The following ACTN4 variants were observed in gnomAD, a reference collection of about 807,000 sequenced individuals.
ACTN4 encodes actinin alpha 4, also known as alpha-actinin-4.
Under a neutral mutation model 114.2 loss-of-function variants are expected in ACTN4, and 18 were observed. That is an observed-to-expected ratio of 0.16 (90% confidence interval 0.11 to 0.23). The LOEUF is 0.23. ACTN4 is among the 10% of genes least tolerant of loss of function. ACTN4 has a pLI of 1.00. For missense variants in ACTN4, 722 were observed against 1,262.9 expected, an observed-to-expected ratio of 0.57 and a Z score of 6.49; for synonymous variants, 515 against 506.3, an observed-to-expected ratio of 1.02 and a Z score of -0.23.
Position 38,717,909 on chromosome 19 carries a change from G to A in ACTN4, c.1144-18G>A, listed in dbSNP as rs763579928. ...CCACTTCCTTGTGATAGCCCTGCCT[G>A]CTCCTGCCCTGCCCCAGGACATCAA... On this transcript the variant is annotated intron_variant, in intron 10 of 20. Coordinates refer to ENST00000252699, the MANE Select transcript of ACTN4 (RefSeq NM_004924.6). The surrounding 1 kb of genome is among the most constrained non-coding windows in gnomAD (Gnocchi z 4.0). 1 of 1,578,678 alleles carries A rather than the reference G, an allele frequency of 6.3e-7. No individual in the cohort carries two copies. Among genetic ancestry groups the A allele is most frequent in the Non-Finnish European group, 8.6e-7 (1 of 1,161,408 alleles).
Position 38,731,340 on chromosome 19 carries a change from T to G in ACTN4, c.*1908T>G. ...GCCACAGGGTGTCACACCCCAACTC[T>G]GCCCCATCCCGGCAGGGTGAGTACA... On this transcript the variant is annotated 3_prime_UTR_variant, in exon 21 of 21. Transcript: ENST00000252699. The G allele has an allele frequency of 2.6e-6, 2 of 759,670 alleles. No homozygotes were observed. Among genetic ancestry groups the G allele is most frequent in the Non-Finnish European group, 4.6e-6 (2 of 436,348 alleles). The allele number at this position is 759,670 out of a possible 1,614,324, so 47.1% of individuals were successfully genotyped here. A position where few individuals can be genotyped will look rare whatever the true frequency, so the allele number is the denominator to read the frequency against.
Position 38,663,265 on chromosome 19 carries a change from CCA to C in ACTN4, c.162+15359_162+15360del, listed in dbSNP as rs1976944704. On this transcript the variant is annotated intron_variant, in intron 1 of 20. Transcript: ENST00000252699. ...AACATGAGTTGGGGCTTCTTGGGCC[CCA>C]GAGTCCAGCACTCAGGTAGAAATAT... 5.3e-5 allele frequency among the ~76,000 whole-genome samples: 8 copies of C among 152,282 alleles called. No individual in the cohort carries two copies. In the South Asian group the frequency reaches 1.7e-3, roughly 32 times the overall value.
At position 38,723,620 on chromosome 19, in the gene ACTN4, G is replaced by A. The variant is rs1396723675; in HGVS notation, c.1449G>A (p.Leu483=). Residue 483 remains leucine (L), a synonymous_variant, in exon 13 of 21, where the codon CTG becomes CTA. Coordinates refer to ENST00000252699, the MANE Select transcript of ACTN4 (RefSeq NM_004924.6). ...IAAIAQELNE[L]DYYDSHNVNT... is the part of the protein sequence containing the mutation. ...CTCTCTGCCCGGCCCGCAGCGAGCT[G>A]GATTACTACGACTCCCACAATGTCA... 4 of 1,611,624 alleles carry A rather than the reference G, an allele frequency of 2.5e-6. No individual in the cohort carries two copies. The highest frequency in any genetic ancestry group is 3.4e-6 in the Non-Finnish European group (4 of 1,178,934).
chr19:38,708,284 G>A (rs901425659), intron 6 of ACTN4, 89 bp downstream of exon 6: 92 of 1,426,600 alleles, frequency 6.4e-5, no homozygotes, highest in East Asian at 1.6e-4. Context: ...CCCTTCCATC[G>A]CCAGCCTCCA....
Position 38,730,548 on chromosome 19 carries a change from T to A in ACTN4, c.*1116T>A, listed in dbSNP as rs189647876. 8.3e-4 allele frequency: 387 copies of A among 466,558 alleles called. 2 individuals are homozygous for A. The highest frequency in any genetic ancestry group is 5.1e-3 in the Middle Eastern group (9 of 1,754). 28.9% of individuals were successfully genotyped at this position (466,558 alleles called of 1,614,324 possible). ...TAAGAAGGATTCCTGCAGCATCATC[T>A]TTTTTTATTTCTCCTGTGTCTGTCC... On this transcript the variant is annotated 3_prime_UTR_variant, in exon 21 of 21. Transcript: ENST00000252699.
rs1967229943 is a variant in ACTN4, at chr19:38,673,557, T to A, written c.162+25650T>A. ...TATACTTATATATATTTATATATAC[T>A]TATATATATTTATATATATTCATAT... On this transcript the variant is annotated intron_variant, in intron 1 of 20. Coordinates refer to ENST00000252699, the MANE Select transcript of ACTN4 (RefSeq NM_004924.6). Among the ~76,000 whole-genome samples, 2 of 87,912 alleles carry A rather than the reference T, an allele frequency of 2.3e-5. 1 individual carries two copies. The highest frequency in any genetic ancestry group is 8.0e-5 in the African/African-American group (2 of 24,900). 57.7% of individuals were successfully genotyped at this position (87,912 alleles called of 152,430 possible).
At chr19:38,708,312 C>T in intron 6 of ACTN4, 117 bp downstream of exon 6, 2 of 1,140,504 alleles carry the variant, frequency 1.8e-6, no homozygotes, top group Non-Finnish European at 1.3e-6. Context: ...GTTCTGCACG[C>T]AGATGGGCAG....
rs553636925 is a variant in ACTN4 at position 38,724,823 on chromosome 19, G to A, written c.2010+258G>A. Reference sequence around the variant, plus strand: ...GTTCGAGACCAGCCTGGGCAACATAGTGAGACCCCAACTCTACAAAAAATA... The same window carrying A: ...GTTCGAGACCAGCCTGGGCAACATAATGAGACCCCAACTCTACAAAAAATA... On this transcript the variant is annotated intron_variant, in intron 16 of 20. Coordinates refer to ENST00000252699, the MANE Select transcript of ACTN4 (RefSeq NM_004924.6). This position sits in a 1 kb window ranked among gnomAD's most constrained non-coding sequence, Gnocchi z 7.0. Among the ~76,000 whole-genome samples the A allele has an allele frequency of 3.3e-5, 5 of 152,354 alleles. No homozygotes were observed. The South Asian group carries it at 1.0e-3, about 32-fold the overall frequency.
chr19:38,726,854 C>CGGAA, intron 17 of ACTN4, 103 bp from the exon 18 acceptor site: 1 of 1,535,128 alleles, frequency 6.5e-7, no homozygotes, highest in Non-Finnish European at 8.8e-7. Context: ...AGAGCAGGGG[C>CGGAA]TTTCCCCAGG....
chr19:38,718,376 G>T (rs533777517), intron 11 of ACTN4: 6 of 454,828 alleles, frequency 1.3e-5, no homozygotes, highest in South Asian at 9.6e-5. Flanking sequence ...AAAAATTTTA[G>T]AATAATAAAA....
intron 11 of ACTN4, among the ~76,000 whole-genome samples, chr19:38,720,794 T>A (rs1208444552): frequency 6.6e-6 from 1 of 152,204 alleles, no homozygotes; most frequent in African/African-American, 2.4e-5. Context: ...GGATCTCCGC[T>A]ACCACTTGGG....
chr19:38,675,197 G>A (rs8100595), intron 1 of ACTN4, among the ~76,000 whole-genome samples: 2,155 of 152,324 alleles, frequency 0.014, 58 homozygotes, highest in African/African-American at 0.048. Flanking sequence ...TTTGAAATCG[G>A]AGGTCTGAAA....
intron 2 of ACTN4, 46 bp from the exon 3 acceptor site, chr19:38,700,954 TTC>T (rs750552080): frequency 9.3e-6 from 15 of 1,605,610 alleles, no homozygotes; most frequent in Middle Eastern, 3.9e-4. Flanking sequence ...CTCTCTCCCT[TTC>T]TCTCTCTCTG....
At chr19:38,721,278 A>T (rs1969031546) in intron 11 of ACTN4, among the ~76,000 whole-genome samples, 1 of 152,230 alleles carries the variant, frequency 6.6e-6, no homozygotes, top group South Asian at 2.1e-4. Context: ...TAAGTTTAGG[A>T]CACACAGGTT....
At position 38,723,716 on chromosome 19, in the gene ACTN4, C is replaced by T. The variant is rs1002709375; in HGVS notation, c.1545C>T (p.Ala515=). 4 of 1,608,856 alleles carry T rather than the reference C, an allele frequency of 2.5e-6. No individual in the cohort carries two copies. Among genetic ancestry groups the T allele is most frequent in the Admixed American group, 3.4e-5 (2 of 59,550 alleles). ...CTCTGACACATAGTCGCAGGGAAGC[C>T]CTGGAGGTGAGGAGGGGGTGACATC... ...LGSLTHSRRE[A]LEKTEKQLEA... is the part of the protein sequence containing the mutation. Residue 515 remains alanine, a synonymous_variant, in exon 13 of 21, where the codon GCC becomes GCT. Coordinates refer to ENST00000252699, the MANE Select transcript of ACTN4 (RefSeq NM_004924.6).
chr19:38,703,991 T>C (rs917692924), intron 3 of ACTN4, among the ~76,000 whole-genome samples: 3 of 152,102 alleles, frequency 2.0e-5, no homozygotes, highest in Admixed American at 2.0e-4. Flanking sequence ...TCCAGCAGGA[T>C]GGCAGGGCCT....
intron 1 of ACTN4, among the ~76,000 whole-genome samples, chr19:38,680,136 A>T (rs1330691642): frequency 6.7e-6 from 1 of 148,556 alleles, no homozygotes; most frequent in Non-Finnish European, 1.5e-5. Flanking sequence ...TCAGACGCTG[A>T]GGTCTTTGAT....
Position 38,727,315 on chromosome 19 carries a change from C to T in ACTN4, c.2337+212C>T, listed in dbSNP as rs1188850480. On this transcript the variant is annotated intron_variant, in intron 18 of 20. Transcript: ENST00000252699. This position sits in a 1 kb window ranked among gnomAD's most constrained non-coding sequence, Gnocchi z 5.4. The stretch of plus-strand genomic sequence containing the variant: ...CACTTCACACGCACAGGCAGGGGGC[C>T]GGAGGTCCCAAGTCCTGCCTTCTGG... Among the ~76,000 whole-genome samples, 5 of 152,138 alleles carry T rather than the reference C, an allele frequency of 3.3e-5. No individual in the cohort carries two copies. Among genetic ancestry groups the T allele is most frequent in the Non-Finnish European group, 5.9e-5 (4 of 68,004 alleles).
chr19:38,723,824 C>T (rs976287135), intron 13 of ACTN4, 102 bp downstream of exon 13: 39 of 1,464,554 alleles, frequency 2.7e-5, no homozygotes, highest in Admixed American at 7.7e-5. Context: ...CCACCTCCCA[C>T]GGAGAGGATG....
Sources: allele counts gnomAD v4.1 joint callset (sites outside exome capture counted in the v4.1 genomes callset), GRCh38; gene constraint gnomAD v4.1.1; non-coding constraint Gnocchi (gnomAD v3.1); transcripts MANE v1.5; gene names NCBI Gene and HGNC (gene_info 2026-07-23, HGNC 2026-07-21).